KLF12: variants seen among roughly 807,000 people sequenced by gnomAD.
KLF12 encodes the protein KLF transcription factor 12.
KLF12 carries 9 observed loss-of-function variants against 37.8 expected under a neutral mutation model. That is an observed-to-expected ratio of 0.24 (90% CI 0.14 to 0.42). KLF12 has a LOEUF of 0.42. KLF12 is among the 10% of genes least tolerant of loss of function. KLF12 has a pLI of 1.00. For synonymous variants in KLF12, 208 were observed against 202.1 expected (o/e 1.03, Z -0.25); for missense variants, 411 against 516.0 (o/e 0.80, Z 1.97).
chr13:73,755,816 A>G (rs1422470591), intron 6 of KLF12, among the ~76,000 whole-genome samples: 1 of 151,258 alleles, frequency 6.6e-6, no homozygotes, highest in Non-Finnish European at 1.5e-5. Flanking sequence ...GCGTCCTCAT[A>G]GCTTAGCTGC....
intron 2 of KLF12, among the ~76,000 whole-genome samples, chr13:73,984,559 C>G (rs771124482): frequency 6.6e-5 from 10 of 152,146 alleles, no homozygotes; most frequent in Non-Finnish European, 1.2e-4. Context: ...CTCCTGCGCT[C>G]CACTCTCATC....
chr13:74,053,502 T>C (rs1010594693), intron 1 of KLF12, among the ~76,000 whole-genome samples: 3 of 152,122 alleles, frequency 2.0e-5, no homozygotes, highest in Admixed American at 6.5e-5. Context: ...CGCTGTTTCA[T>C]AGATGAGGAA....
upstream of KLF12, among the ~76,000 whole-genome samples, chr13:74,135,399 A>C (rs912750575): frequency 6.6e-6 from 1 of 151,806 alleles, no homozygotes; most frequent in African/African-American, 2.4e-5. Flanking sequence ...CCCGGAGCCG[A>C]GTCCTTGACG....
intron 1 of KLF12, among the ~76,000 whole-genome samples, chr13:74,036,574 A>G (rs1260973702): frequency 6.6e-6 from 1 of 152,188 alleles, no homozygotes; most frequent in Non-Finnish European, 1.5e-5. Flanking sequence ...TTCTATCCAG[A>G]TGACAGAGGA....
intron 5 of KLF12, among the ~76,000 whole-genome samples, chr13:73,799,845 G>A (rs2138334572): frequency 6.6e-6 from 1 of 152,192 alleles, no homozygotes; most frequent in South Asian, 2.1e-4. Flanking sequence ...TGTGTCACTT[G>A]TAATAGTGCT....
At chr13:73,956,763 A>G (rs1231439548) in intron 2 of KLF12, among the ~76,000 whole-genome samples, 1 of 150,112 alleles carries the variant, frequency 6.7e-6, no homozygotes, top group Non-Finnish European at 1.5e-5. Context: ...TCTACAAAAA[A>G]TAACAATAAA....
intron 3 of KLF12, among the ~76,000 whole-genome samples, chr13:73,908,373 G>A (rs1477395223): frequency 4.8e-5 from 7 of 144,782 alleles, no homozygotes; most frequent in African/African-American, 1.8e-4. Context: ...CTGCACTCCA[G>A]CCTGGGTGAC....
chr13:73,903,871 G>T (rs1177472762), intron 3 of KLF12, among the ~76,000 whole-genome samples: 1 of 152,162 alleles, frequency 6.6e-6, no homozygotes, highest in Admixed American at 6.5e-5. Flanking sequence ...AGGGATCTAG[G>T]TTGCATGGTC....
At chr13:73,696,260 A>G (rs1372570492) in intron 7 of KLF12, among the ~76,000 whole-genome samples, 3 of 152,174 alleles carry the variant, frequency 2.0e-5, no homozygotes, top group African/African-American at 7.2e-5. Flanking sequence ...AAAATCCTAG[A>G]TGCCTTAATA....
chr13:74,253,656 T>A, the KLF12 span, among the ~76,000 whole-genome samples: 1 of 152,358 alleles, frequency 6.6e-6, no homozygotes, highest in East Asian at 1.9e-4. Context: ...CTTGCCAGCC[T>A]GTTAGAGCAC....
intron 5 of KLF12, among the ~76,000 whole-genome samples, chr13:73,799,069 T>C (rs1390040771): frequency 6.6e-6 from 1 of 152,218 alleles, no homozygotes. Flanking sequence ...CCCCATGGAA[T>C]ACTATGCAGC....
intron 1 of KLF12, among the ~76,000 whole-genome samples, chr13:74,109,761 T>G (rs1478451912): frequency 6.6e-6 from 1 of 152,060 alleles, no homozygotes; most frequent in Non-Finnish European, 1.5e-5. Context: ...AATGACCACT[T>G]AAGAAATATA....
At chr13:74,187,438 A>C in the KLF12 span, among the ~76,000 whole-genome samples, 6 of 152,174 alleles carry the variant, frequency 3.9e-5, no homozygotes, top group Admixed American at 1.3e-4. Flanking sequence ...ACCGGGGATA[A>C]CCAGAGTAGC....
intron 3 of KLF12, among the ~76,000 whole-genome samples, chr13:73,878,508 G>A (rs941395764): frequency 3.6e-4 from 55 of 152,260 alleles, no homozygotes; most frequent in South Asian, 1.5e-3. Context: ...TATTTTTGAC[G>A]TGGGAATTTG....
At chr13:74,241,272 G>T in the KLF12 span, among the ~76,000 whole-genome samples, 1 of 152,200 alleles carries the variant, frequency 6.6e-6, no homozygotes, top group Admixed American at 6.5e-5. Context: ...CAGGGGTCAG[G>T]GACCCACTTG....
the KLF12 span, among the ~76,000 whole-genome samples, chr13:74,197,109 A>C: frequency 1.3e-5 from 2 of 152,156 alleles, no homozygotes; most frequent in African/African-American, 4.8e-5. Context: ...CAGACAACTC[A>C]GAATTTATTT....
chr13:74,094,810 G>C (rs1292241294), intron 1 of KLF12, among the ~76,000 whole-genome samples: 1 of 152,032 alleles, frequency 6.6e-6, no homozygotes, highest in Non-Finnish European at 1.5e-5. Flanking sequence ...ACGTTGGCCA[G>C]GCTGGTTATG....
the KLF12 span, among the ~76,000 whole-genome samples, chr13:74,240,146 CAA>C: frequency 1.3e-5 from 2 of 152,038 alleles, no homozygotes; most frequent in African/African-American, 4.8e-5. Context: ...CTGGTGGTGA[CAA>C]AGTCTCTCAG....
At chr13:73,999,577 C>CA (rs5804706) in intron 1 of KLF12, among the ~76,000 whole-genome samples, 120,107 of 145,834 alleles carry the variant, frequency 0.82, 49,942 homozygotes, top group Non-Finnish European at 0.9. Context: ...ACTAAAAATA[C>CA]AAAAAAAAAA....
Sources: allele counts gnomAD v4.1 joint callset (sites outside exome capture counted in the v4.1 genomes callset), GRCh38; gene constraint gnomAD v4.1.1; transcripts MANE v1.5; gene names NCBI Gene and HGNC (gene_info 2026-07-23, HGNC 2026-07-21).